PARP16: variants seen among roughly 807,000 people sequenced by gnomAD.
PARP16 encodes the protein poly(ADP-ribose) polymerase family member 16.
In PARP16, 31 loss-of-function variants were observed where a neutral mutation model predicts 35.0. That is an observed-to-expected ratio of 0.88 (90% CI 0.66 to 1.19). The LOEUF is 1.19. Ranked by LOEUF, PARP16 falls within the 50% of genes most tolerant of loss-of-function variation. The pLI, the probability that PARP16 is intolerant of heterozygous loss-of-function variation, is 0.00. For synonymous variants in PARP16, 162 were observed against 169.5 expected (o/e 0.96, Z 0.34); for missense variants, 424 against 411.2 (o/e 1.03, Z -0.27).
chr15:65,249,537 C>T (rs1446251246), intron 2 of PARP16, among the ~76,000 whole-genome samples: 1 of 152,232 alleles, frequency 6.6e-6, no homozygotes, highest in Non-Finnish European at 1.5e-5. Flanking sequence ...ACCAGATCCT[C>T]CAGGCCTCTG....
Position 65,284,811 on chromosome 15 carries a change from CTTTTTTTTTT to C in PARP16, c.174+1432_174+1441del, listed in dbSNP as rs35683940. ...AAATCCTTGACTACTAATCCAACGT[CTTTTTTTTTT>C]TTTTTTTTTTTTTTGAGAGAGAGAC... On this transcript the variant is annotated intron_variant, in intron 1 of 5. Transcript: ENST00000649807. Among the ~76,000 whole-genome samples, 334 of 72,264 alleles carry C rather than the reference CTTTTTTTTTT, an allele frequency of 4.6e-3. 2 individuals carry two copies. Among genetic ancestry groups the C allele is most frequent in the African/African-American group, 0.015 (316 of 20,782 alleles). 47.4% of individuals were successfully genotyped at this position (72,264 alleles called of 152,430 possible).
intron 1 of PARP16, among the ~76,000 whole-genome samples, chr15:65,272,011 T>G (rs949813733): frequency 6.6e-6 from 1 of 152,244 alleles, no homozygotes; most frequent in African/African-American, 2.4e-5. Context: ...GAAGCTTTGT[T>G]GATGACATTC....
intron 2 of PARP16, among the ~76,000 whole-genome samples, chr15:65,249,587 C>G (rs570926860): frequency 4.7e-4 from 71 of 152,342 alleles, no homozygotes; most frequent in African/African-American, 1.6e-3. Context: ...CCCAGCCAGG[C>G]AGGACTGGAG....
At chr15:65,278,830 G>T (rs879282223) in intron 1 of PARP16, among the ~76,000 whole-genome samples, 9 of 152,162 alleles carry the variant, frequency 5.9e-5, no homozygotes, top group Admixed American at 1.3e-4. Context: ...CTAGATGTGG[G>T]TGGAGGTGCT....
At chr15:65,243,879 C>A (rs779256582) in intron 3 of PARP16, among the ~76,000 whole-genome samples, 1 of 152,090 alleles carries the variant, frequency 6.6e-6, no homozygotes, top group African/African-American at 2.4e-5. Flanking sequence ...TGTCTCCTGT[C>A]TGGTAGGCTC....
At chr15:65,246,452 G>A (rs987438371) in intron 3 of PARP16, among the ~76,000 whole-genome samples, 3 of 152,178 alleles carry the variant, frequency 2.0e-5, no homozygotes, top group African/African-American at 4.8e-5. Flanking sequence ...AGAGCGATGC[G>A]CTCCCAGCAA....
chr15:65,235,476 C>T (rs912349787), intron 3 of PARP16, among the ~76,000 whole-genome samples: 1 of 151,774 alleles, frequency 6.6e-6, no homozygotes, highest in African/African-American at 2.4e-5. Flanking sequence ...AAAGGAAGGT[C>T]AATTAGATTC....
In PARP16 at chr15:65,277,555, T is replaced by C. The variant is rs150937942; in HGVS notation, c.175-6483A>G. Among the ~76,000 whole-genome samples, 311 of 152,364 alleles carry C rather than the reference T, an allele frequency of 2.0e-3. 3 individuals are homozygous for C. Among genetic ancestry groups the C allele is most frequent in the African/African-American group, 7.4e-3 (307 of 41,590 alleles). On this transcript the variant is annotated intron_variant, in intron 1 of 5. Coordinates refer to ENST00000649807, the MANE Select transcript of PARP16 (RefSeq NM_001316943.2). ...TTATTGTTATCTCATGTTATTCTCA[T>C]AACCTGTTTTGAAGATGAGGAAACT...
chr15:65,263,261 G>GTA lies in PARP16; in HGVS notation c.577_578dup (p.Ser194ThrfsTer43). 1.2e-6 allele frequency: 2 copies of GTA among 1,613,420 alleles called. No individual in the cohort carries two copies. On this transcript the variant is annotated frameshift_variant, in exon 4 of 6. Transcript: ENST00000649807. LOFTEE classifies it high-confidence loss of function. ...GCTGCCACCCATGGCCATGGGGGCT[G>GTA]TATATGAGGGCCAGGCTCAAGTCAC...
At position 65,245,911 on chromosome 15, in the gene PARP16, A is replaced by T. The variant is rs190168659; in HGVS notation, c.*97+2206T>A. On this transcript the variant is annotated intron_variant and NMD_transcript_variant, in intron 3 of 3. Transcript: ENST00000559805. The stretch of plus-strand genomic sequence containing the variant: ...AATTTTTTTCAAGAGGAAAATTCCT[A>T]GTTCTGGCCCCAAGCAGAGCAGCCA... Among the ~76,000 whole-genome samples the T allele has an allele frequency of 2.4e-3, 372 of 152,198 alleles. 4 individuals carry two copies. The highest frequency in any genetic ancestry group is 8.5e-3 in the African/African-American group (352 of 41,530).
chr15:65,269,353 T>C (rs978305086), intron 2 of PARP16, among the ~76,000 whole-genome samples: 6 of 151,940 alleles, frequency 3.9e-5, no homozygotes, highest in Admixed American at 1.3e-4. Flanking sequence ...CCCGCCACCA[T>C]GCCCAGCTAA....
At chr15:65,254,869 C>A (rs2089457682), downstream of PARP16, among the ~76,000 whole-genome samples, 1 of 152,136 alleles carries the variant, frequency 6.6e-6, no homozygotes, top group African/African-American at 2.4e-5. Context: ...AACAACTTCC[C>A]CTATTCTACC....
intron 2 of PARP16, among the ~76,000 whole-genome samples, chr15:65,268,584 T>A (rs959346496): frequency 6.6e-6 from 1 of 152,206 alleles, no homozygotes; most frequent in Non-Finnish European, 1.5e-5. Context: ...TAGCTGGGAC[T>A]ATAGGTGCAA....
chr15:65,267,389 T>C (rs1167340129), intron 2 of PARP16, among the ~76,000 whole-genome samples: 1 of 151,816 alleles, frequency 6.6e-6, no homozygotes, highest in Non-Finnish European at 1.5e-5. Context: ...AGGCGGATCA[T>C]GAGGTCAGGA....
chr15:65,231,381 C>T (rs539711553), downstream of PARP16, among the ~76,000 whole-genome samples: 3 of 151,614 alleles, frequency 2.0e-5, no homozygotes, highest in Admixed American at 6.6e-5. Flanking sequence ...TCTAAGGTTT[C>T]CTTTTCTATT....
At chr15:65,248,014 C>T (rs1029666843) in intron 3 of PARP16, 31 of 363,584 alleles carry the variant, frequency 8.5e-5, no homozygotes, top group Middle Eastern at 6.0e-4. Context: ...CCGTGTTAGC[C>T]AGGATGGTCT....
intron 1 of PARP16, among the ~76,000 whole-genome samples, chr15:65,284,807 A>G: frequency 7.2e-6 from 1 of 139,294 alleles, no homozygotes. Context: ...TACTAATCCA[A>G]CGTCTTTTTT....
chr15:65,277,875 G>A lies in PARP16; in HGVS notation c.175-6803C>T, dbSNP rs185286842. Among the ~76,000 whole-genome samples the A allele has an allele frequency of 7.9e-5, 12 of 152,324 alleles. 1 individual carries two copies. Among genetic ancestry groups the A allele is most frequent in the African/African-American group, 2.4e-4 (10 of 41,574 alleles). On this transcript the variant is annotated intron_variant, in intron 1 of 5. Transcript: ENST00000649807. ...GCTGTGCCTAAGCCAAAGGTAGGGA[G>A]AAAGATGTATGTAATATGCAGTATA...
chr15:65,236,755 G>A (rs941945055), intron 3 of PARP16, among the ~76,000 whole-genome samples: 3 of 152,112 alleles, frequency 2.0e-5, no homozygotes, highest in South Asian at 2.1e-4. Flanking sequence ...GGCGGATCAC[G>A]AGGTCAAGAG....
Sources: allele counts gnomAD v4.1 joint callset (sites outside exome capture counted in the v4.1 genomes callset), GRCh38; gene constraint gnomAD v4.1.1; transcripts MANE v1.5; gene names NCBI Gene and HGNC (gene_info 2026-07-23, HGNC 2026-07-21).